Variants in TRPM3 observed in about 807,000 individuals in gnomAD.
TRPM3 encodes the protein transient receptor potential cation channel subfamily M member 3, also known as long transient receptor potential channel 3.
In TRPM3, 77 loss-of-function variants were observed where a neutral mutation model predicts 181.2. That is an observed-to-expected ratio of 0.42 (90% CI 0.35 to 0.51). The LOEUF (loss-of-function observed/expected upper bound fraction) is 0.51, where lower values mean the gene tolerates loss of function less well. Among genes scored for constraint, TRPM3 ranks in the 20% least tolerant of loss-of-function variants. The pLI, the probability that TRPM3 is intolerant of heterozygous loss-of-function variation, is 0.01. For missense variants in TRPM3, 1,759 were observed against 2,196.7 expected (o/e 0.80, Z 3.98); for synonymous variants, 745 against 796.4 (o/e 0.94, Z 1.09).
At chr9:71,032,313 T>C (rs2057631204) in intron 1 of TRPM3, among the ~76,000 whole-genome samples, 1 of 148,380 alleles carries the variant, frequency 6.7e-6, no homozygotes, top group South Asian at 2.1e-4. Flanking sequence ...TAACACTTTA[T>C]TAACTAGAGA....
At chr9:70,900,131 T>C (rs1162856371) in intron 1 of TRPM3, among the ~76,000 whole-genome samples, 1 of 152,128 alleles carries the variant, frequency 6.6e-6, no homozygotes, top group East Asian at 1.9e-4. Flanking sequence ...GATACAATCA[T>C]ACTTATTAGG....
rs777246462 is a variant in TRPM3 at position 70,761,538 on chromosome 9, G to A, written c.1272+63C>T. On this transcript the variant is annotated intron_variant, in intron 8 of 25. Coordinates refer to ENST00000677713, the MANE Select transcript of TRPM3 (RefSeq NM_001366145.2). ...ATGTTGCATGATTTGAGAAAATGTT[G>A]TGTGATTCAAGAAAATGACTGAAAA... 4 of 1,609,712 alleles carry A rather than the reference G, an allele frequency of 2.5e-6. No individual in the cohort carries two copies. In the Admixed American group the frequency reaches 6.7e-5, roughly 27 times the overall value.
At chr9:71,034,590 G>C (rs2057953457) in intron 1 of TRPM3, among the ~76,000 whole-genome samples, 1 of 151,946 alleles carries the variant, frequency 6.6e-6, no homozygotes, top group Non-Finnish European at 1.5e-5. Context: ...GGTGGAGGTG[G>C]GCAGTGGTTT....
chr9:71,142,003 G>C (rs545519565), intron 1 of TRPM3, among the ~76,000 whole-genome samples: 1 of 152,122 alleles, frequency 6.6e-6, no homozygotes, highest in Non-Finnish European at 1.5e-5. Flanking sequence ...TATAATGCCC[G>C]AATGTTTCCA....
intron 4 of TRPM3, among the ~76,000 whole-genome samples, chr9:70,844,967 G>C (rs1425622370): frequency 6.6e-6 from 1 of 152,142 alleles, no homozygotes; most frequent in Non-Finnish European, 1.5e-5. Flanking sequence ...GTCATTGAAA[G>C]AAAAATTGCT....
chr9:71,214,990 T>G (rs1171654905), intron 1 of TRPM3, among the ~76,000 whole-genome samples: 2 of 149,216 alleles, frequency 1.3e-5, no homozygotes, highest in African/African-American at 4.9e-5. Context: ...TTTTGTTTAT[T>G]TACTTCACTG....
At chr9:71,104,541 T>C (rs2069086873) in intron 1 of TRPM3, among the ~76,000 whole-genome samples, 2 of 152,172 alleles carry the variant, frequency 1.3e-5, no homozygotes, top group South Asian at 4.1e-4. Flanking sequence ...CCTGTCTCAA[T>C]CACAAATTCC....
intron 1 of TRPM3, among the ~76,000 whole-genome samples, chr9:71,248,178 A>G (rs1485373849): frequency 1.3e-5 from 2 of 152,230 alleles, no homozygotes; most frequent in African/African-American, 2.4e-5. Context: ...CCCTTCTTAC[A>G]TGTTTTCCTT....
intron 3 of TRPM3, among the ~76,000 whole-genome samples, chr9:70,862,557 G>A (rs543912772): frequency 6.6e-6 from 1 of 152,208 alleles, no homozygotes; most frequent in South Asian, 2.1e-4. Flanking sequence ...GATAAAAAAA[G>A]GAGTTAGAAA....
intron 1 of TRPM3, among the ~76,000 whole-genome samples, chr9:71,084,686 T>C (rs545696496): frequency 1.4e-3 from 210 of 152,124 alleles, no homozygotes; most frequent in African/African-American, 4.8e-3. Context: ...ATCATTAAAA[T>C]GGCCATGCTG....
intron 7 of TRPM3, among the ~76,000 whole-genome samples, chr9:70,770,802 T>C (rs1210847314): frequency 1.3e-5 from 2 of 152,228 alleles, no homozygotes; most frequent in East Asian, 3.8e-4. Context: ...TAATTGGCAG[T>C]TGTTATTATT....
intron 6 of TRPM3, among the ~76,000 whole-genome samples, chr9:70,822,317 T>A (rs2093246517): frequency 6.6e-6 from 1 of 152,212 alleles, no homozygotes. Flanking sequence ...TTTCATGTTG[T>A]CCCATTGTTT....
intron 1 of TRPM3, among the ~76,000 whole-genome samples, chr9:70,930,255 G>A (rs1422631836): frequency 6.6e-6 from 1 of 152,178 alleles, no homozygotes; most frequent in Non-Finnish European, 1.5e-5. Context: ...CTTACACTAA[G>A]AGCATGCAGT....
chr9:71,374,289 A>T (rs1202032437), intron 1 of TRPM3, among the ~76,000 whole-genome samples: 4 of 152,114 alleles, frequency 2.6e-5, no homozygotes, highest in African/African-American at 9.7e-5. Context: ...CAGGAGAATC[A>T]CTGGAACCCC....
At chr9:71,061,126 T>C (rs146640736) in intron 1 of TRPM3, among the ~76,000 whole-genome samples, 18 of 152,148 alleles carry the variant, frequency 1.2e-4, no homozygotes, top group East Asian at 7.7e-4. Context: ...AATAAGACTC[T>C]GAAATAGAAA....
chr9:70,567,961 T>G (rs2051089401), intron 22 of TRPM3, among the ~76,000 whole-genome samples: 1 of 151,482 alleles, frequency 6.6e-6, no homozygotes, highest in African/African-American at 2.4e-5. Context: ...AAGAGAGAGA[T>G]GAGAGAGAAA....
At chr9:70,644,279 T>G (rs2058490834) in intron 9 of TRPM3, among the ~76,000 whole-genome samples, 1 of 152,108 alleles carries the variant, frequency 6.6e-6, no homozygotes, top group Non-Finnish European at 1.5e-5. Context: ...ACTCCTAGGG[T>G]ATGTGGGACC....
Position 70,549,635 on chromosome 9 carries a change from T to G in TRPM3, c.3614A>C (p.Asp1205Ala). ...ITDDELKKVH[D>A]FEEQCIEEYF... ...TTCTTCTATGCATTGCTCTTCAAAG[T>G]CATGTACTTTCTTGAGCTCATCATC... Residue 1205 changes from aspartate to alanine, a missense_variant, in exon 25 of 26, where the codon GAC (aspartate) becomes GCC (alanine). Physicochemically the swap from Asp to Ala is moderately radical, Grantham distance 126 (BLOSUM62 -2). Transcript: ENST00000677713. 1 of 1,611,834 alleles carries G rather than the reference T, an allele frequency of 6.2e-7. No individual in the cohort carries two copies. The highest frequency in any genetic ancestry group is 8.5e-7 in the Non-Finnish European group (1 of 1,179,776).
chr9:71,152,510 A>G (rs868419276), intron 1 of TRPM3, among the ~76,000 whole-genome samples: 10 of 152,174 alleles, frequency 6.6e-5, no homozygotes, highest in African/African-American at 2.4e-4. Flanking sequence ...GATCATTTAT[A>G]CCCAATGAAA....
Sources: allele counts gnomAD v4.1 joint callset (sites outside exome capture counted in the v4.1 genomes callset), GRCh38; gene constraint gnomAD v4.1.1; transcripts MANE v1.5; gene names NCBI Gene and HGNC (gene_info 2026-07-23, HGNC 2026-07-21).